Variants in MAP3K6 observed in about 807,000 individuals in gnomAD.
MAP3K6 encodes the protein apoptosis signal-regulating kinase 2.
A neutral mutation model predicts 147.1 loss-of-function variants in MAP3K6; 105 were observed. The observed-to-expected ratio is 0.71, with a 90% CI of 0.61 to 0.84. The LOEUF is 0.84. Among genes scored for constraint, MAP3K6 ranks in the 40% least tolerant of loss-of-function variants. MAP3K6 has a pLI of 0.00. For missense variants in MAP3K6, 1,569 were observed against 1,715.0 expected (o/e 0.91, Z 1.50); for synonymous variants, 695 against 732.4 (o/e 0.95, Z 0.82).
chr1:27,362,712 C>A lies in MAP3K6; in HGVS notation c.1184G>T (p.Gly395Val), dbSNP rs1051654906. 5.0e-6 allele frequency: 8 copies of A among 1,610,940 alleles called. No individual in the cohort carries two copies. The highest frequency in any genetic ancestry group is 5.9e-6 in the Non-Finnish European group (7 of 1,178,542). The change falls in exon 8 of 29, where the codon GGC becomes GTC. Residue 395 changes from glycine to valine, a missense_variant. Physicochemically the swap from Gly to Val is moderately radical, Grantham distance 109. Transcript: ENST00000357582. ...AATGAGGAGCACAGCTGCATTGATG[C>A]CTGAGTGAAGGCTGGGCTCTACGTC... ...AFDVEPSLHS[G>V]INAAVLLIAA... is the part of the protein sequence containing the mutation.
chr1:27,362,984 C>A lies in MAP3K6; in HGVS notation c.1009G>T (p.Val337Leu). ...RPGDRAKALS[V>L]LLPLVQLEGS... ...TCAAGCTGTACCAGCGGCAGCAGCA[C>A]AGACAGGGCCTTCGCCCGGTCCCCA... The change falls in exon 7 of 29, where the codon GTG becomes TTG. Residue 337 changes from valine (V) to leucine (L), a missense_variant. Physicochemically the swap from Val to Leu is conservative, Grantham distance 32 (BLOSUM62 1). Transcript: ENST00000357582. 6.2e-7 allele frequency: 1 copy of A among 1,614,008 alleles called. No individual in the cohort carries two copies. Among genetic ancestry groups the A allele is most frequent in the Middle Eastern group, 1.7e-4 (1 of 6,058 alleles).
chr1:27,365,631 T>A (rs1313496675), intron 1 of MAP3K6, among the ~76,000 whole-genome samples: 2 of 149,744 alleles, frequency 1.3e-5, no homozygotes, highest in African/African-American at 4.9e-5. Context: ...AGCCATCCTT[T>A]CCCGCCCACT....
Position 27,355,483 on chromosome 1 carries a change from A to G in MAP3K6, c.3789-14T>C, listed in dbSNP as rs1210491115. The G allele has an allele frequency of 6.2e-7, 1 of 1,613,548 alleles. No individual in the cohort carries two copies. Among genetic ancestry groups the G allele is most frequent in the Non-Finnish European group, 8.5e-7 (1 of 1,179,716 alleles). ...ACCATCCCTCCCCTGGGGGTAATGG[A>G]CTCAGTGTGGCTCAGCCAGAAGGTG... is the stretch of plus-strand genomic sequence containing the variant. On this transcript the variant is annotated splice_polypyrimidine_tract_variant and intron_variant, in intron 28 of 28. Transcript: ENST00000357582.
chr1:27,356,123 G>A (rs1451845448), intron 26 of MAP3K6, 24 bp from the exon 27 acceptor site: 4 of 1,604,826 alleles, frequency 2.5e-6, no homozygotes, highest in African/African-American at 1.3e-5. Flanking sequence ...GTCAGGTGAT[G>A]AGCCCAAGAG....
intron 22 of MAP3K6, 50 bp downstream of exon 22, chr1:27,357,661 G>T (rs749135909): frequency 6.3e-6 from 10 of 1,594,816 alleles, no homozygotes; most frequent in East Asian, 2.2e-5. Flanking sequence ...ACATCAACAG[G>T]TGTCCTGACC....
In MAP3K6 at chr1:27,360,999, G is replaced by A. The variant is rs1191861609; in HGVS notation, c.1842C>T (p.Gly614=). 1 of 1,595,822 alleles carries A rather than the reference G, an allele frequency of 6.3e-7. No homozygotes were observed. The highest frequency in any genetic ancestry group is 8.5e-7 in the Non-Finnish European group (1 of 1,170,588). Residue 614 remains glycine, a synonymous_variant, in exon 14 of 29, where the codon GGC becomes GGT. Transcript: ENST00000357582. The surrounding 1 kb of genome is among the most constrained non-coding windows in gnomAD (Gnocchi z 4.5). ...PSVGHCQWFC[G]LIQAWVTNPD... ...GGTTCGTCACCCAGGCCTGGATCAG[G>A]CCGCAGAACCTGAAGGTGGGGGAGG... is the stretch of plus-strand genomic sequence containing the variant.
At position 27,357,124 on chromosome 1, in the gene MAP3K6, G is replaced by A. The variant is rs111568119; in HGVS notation, c.3259-10C>T. On this transcript the variant is annotated splice_polypyrimidine_tract_variant and intron_variant, in intron 23 of 28. Transcript: ENST00000357582. ...GGAGGATCTGCTTCACCTGCAGGGG[G>A]AGGGAGGCGCCGCTGAGACAGCTGA... 0.041 allele frequency: 65,718 copies of A among 1,609,930 alleles called. 3,276 individuals carry two copies. Among genetic ancestry groups the A allele is most frequent in the African/African-American group, 0.25 (18,534 of 74,892 alleles).
In MAP3K6 at chr1:27,360,875, C is replaced by G. The variant is rs35733093; in HGVS notation, c.1921-37G>C. The G allele has an allele frequency of 0.35, 569,625 of 1,609,974 alleles. 105,139 individuals are homozygous for G. Among genetic ancestry groups the G allele is most frequent in the East Asian group, 0.51 (22,683 of 44,730 alleles). ...GGGGTGAGATGGGAGTTCAGCAGGGCCCGCGGCCCCTCGCCCTCCGCGAGC... is the reference window on the plus strand; with the variant it reads ...GGGGTGAGATGGGAGTTCAGCAGGGGCCGCGGCCCCTCGCCCTCCGCGAGC... On this transcript the variant is annotated intron_variant, in intron 14 of 28. Transcript: ENST00000357582. The surrounding 1 kb of genome is among the most constrained non-coding windows in gnomAD (Gnocchi z 4.5).
Position 27,364,875 on chromosome 1 carries a change from C to T in MAP3K6, c.378G>A (p.Gln126=), listed in dbSNP as rs997478348. The stretch of plus-strand genomic sequence containing the variant: ...CACCAAGGTGGTAGAACAGGGAGGG[C>T]TGTACCAGCGAGCTGCTCACCTCCA... ...VVLEVSSSLV[Q]PSLFYHLGVR... The change falls in exon 2 of 29, where the codon CAG becomes CAA. Residue 126 remains glutamine, a synonymous_variant. Coordinates refer to ENST00000357582, the MANE Select transcript of MAP3K6 (RefSeq NM_004672.5). The surrounding 1 kb of genome is among the most constrained non-coding windows in gnomAD (Gnocchi z 4.4). The T allele has an allele frequency of 3.1e-6, 5 of 1,607,384 alleles. No individual in the cohort carries two copies. The highest frequency in any genetic ancestry group is 1.7e-4 in the Middle Eastern group (1 of 6,052).
In MAP3K6 at chr1:27,357,261, G is replaced by A. The variant is rs981472029; in HGVS notation, c.3258+139C>T. 4.5e-6 allele frequency: 6 copies of A among 1,322,112 alleles called. No individual in the cohort carries two copies. The Admixed American group carries it at 8.5e-5, about 19-fold the overall frequency. 81.9% of individuals were successfully genotyped at this position (1,322,112 alleles called of 1,614,324 possible). A position where few individuals can be genotyped will look rare whatever the true frequency, so the allele number is the denominator to read the frequency against. Reference sequence around the variant, plus strand: ...GGAAGGCCTGGGAAGCTAGGACTGGGCAGACGGTTTTTTGCTGCAGGCCTG... The same window carrying A: ...GGAAGGCCTGGGAAGCTAGGACTGGACAGACGGTTTTTTGCTGCAGGCCTG... On this transcript the variant is annotated intron_variant, in intron 23 of 28. Transcript: ENST00000357582.
Position 27,361,872 on chromosome 1 carries a change from A to G in MAP3K6, c.1416-5T>C. Reference sequence around the variant, plus strand: ...TCCATCACGGACACCAGGTACCTGCATGCAAAGCCACATCCTCAGTTCAGC... The same window carrying G: ...TCCATCACGGACACCAGGTACCTGCGTGCAAAGCCACATCCTCAGTTCAGC... On this transcript the variant is annotated splice_region_variant and splice_polypyrimidine_tract_variant and intron_variant, in intron 9 of 28. Transcript: ENST00000357582. 2 of 1,535,952 alleles carry G rather than the reference A, an allele frequency of 1.3e-6. No individual in the cohort carries two copies. Among genetic ancestry groups the G allele is most frequent in the Non-Finnish European group, 1.8e-6 (2 of 1,138,634 alleles).
rs1225117501 is a variant in MAP3K6 at position 27,358,383 on chromosome 1, G to A, written c.2776+36C>T. Reference sequence around the variant, plus strand: ...ACCCTCACAGCTCCACAACTCCTCTGCCCTCCACTGTGCCCATCCCGCCAC... The same window carrying A: ...ACCCTCACAGCTCCACAACTCCTCTACCCTCCACTGTGCCCATCCCGCCAC... On this transcript the variant is annotated intron_variant, in intron 20 of 28. Transcript: ENST00000357582. This position sits in a 1 kb window ranked among gnomAD's most constrained non-coding sequence, Gnocchi z 6.2. 6.3e-7 allele frequency: 1 copy of A among 1,587,174 alleles called. No individual in the cohort carries two copies. The highest frequency in any genetic ancestry group is 8.5e-7 in the Non-Finnish European group (1 of 1,172,202).
intron 1 of MAP3K6, among the ~76,000 whole-genome samples, chr1:27,365,927 C>T (rs978581907): frequency 6.6e-6 from 1 of 151,162 alleles, no homozygotes; most frequent in East Asian, 2.0e-4. Context: ...AGCCCCGCGC[C>T]GCTCCCCGCC....
chr1:27,361,792 T>C lies in MAP3K6; in HGVS notation c.1491A>G (p.Pro497=). 1.2e-6 allele frequency: 2 copies of C among 1,611,330 alleles called. No individual in the cohort carries two copies. Among genetic ancestry groups the C allele is most frequent in the Non-Finnish European group, 1.7e-6 (2 of 1,178,676 alleles). ...FRPTPEPPGG[P]PRRAHFWLHF... Reference sequence around the variant, plus strand: ...GGAGCCAGAAGTGGGCACGGCGTGGTGGCCCTCCAGGGGGCTCTGGCGTGG... The same window carrying C: ...GGAGCCAGAAGTGGGCACGGCGTGGCGGCCCTCCAGGGGGCTCTGGCGTGG... The change falls in exon 10 of 29, where the codon CCA becomes CCG. Residue 497 remains proline (P), a synonymous_variant. Coordinates refer to ENST00000357582, the MANE Select transcript of MAP3K6 (RefSeq NM_004672.5).
At position 27,357,873 on chromosome 1, in the gene MAP3K6, C is replaced by T. The variant is rs771469062; in HGVS notation, c.2919G>A (p.Val973=). 1.3e-6 allele frequency: 2 copies of T among 1,588,460 alleles called. No individual in the cohort carries two copies. Among genetic ancestry groups the T allele is most frequent in the Admixed American group, 1.7e-5 (1 of 57,312 alleles). ...LSYGGTSQLR[V]PEEPAAEEPA... is the part of the protein sequence containing the mutation. ...GCTCCTCGGCCGCAGGCTCCTCGGG[C>T]ACCCTGGGCACAAGGGCGAGCTGCT... The change falls in exon 22 of 29, where the codon GTG becomes GTA. Residue 973 remains valine, a synonymous_variant. Coordinates refer to ENST00000357582, the MANE Select transcript of MAP3K6 (RefSeq NM_004672.5).
rs1449645356 is a variant in MAP3K6 at position 27,356,603 on chromosome 1, C to T, written c.3511G>A (p.Ala1171Thr). The change falls in exon 25 of 29, where the codon GCA becomes ACA. Residue 1171 changes from alanine to threonine, a missense_variant. Ala to Thr is a moderately conservative substitution (Grantham distance 58). Transcript: ENST00000357582. Reference sequence around the variant, plus strand: ...AAGGGGCTTTACCGATCAGTCTCTGCCCTCAAGAGGCTCAGCTGCACCATC... The same window carrying T: ...AAGGGGCTTTACCGATCAGTCTCTGTCCTCAAGAGGCTCAGCTGCACCATC... ...PLMVQLSLLRAETDRLREILA... is the reference protein window; with the variant it reads ...PLMVQLSLLRTETDRLREILA... The T allele has an allele frequency of 6.2e-7, 1 of 1,612,512 alleles. No homozygotes were observed. Among genetic ancestry groups the T allele is most frequent in the Non-Finnish European group, 8.5e-7 (1 of 1,179,206 alleles).
At chr1:27,356,323 G>A in intron 26 of MAP3K6, 65 bp downstream of exon 26, 1 of 1,442,934 alleles carries the variant, frequency 6.9e-7, no homozygotes, top group South Asian at 1.3e-5. Flanking sequence ...ATGAGCCCAA[G>A]GGTGCCTTGT....
At position 27,362,248 on chromosome 1, in the gene MAP3K6, T is replaced by C; in HGVS notation, c.1258A>G (p.Met420Val). Residue 420 changes from methionine (M) to valine (V), a missense_variant and splice_region_variant, in exon 9 of 29, where the codon ATG becomes GTG. By Grantham distance (21) the Met-to-Val change is conservative (BLOSUM62 1). Coordinates refer to ENST00000357582, the MANE Select transcript of MAP3K6 (RefSeq NM_004672.5). ...CGGGCCAGCAGGCAGCCCAGCTTCA[T>C]GCCTGGGGGAGAGAGGCATGGGCTC... ...EDSKELRLIG[M>V]KLGCLLARKG... is the part of the protein sequence containing the mutation. 1 of 1,609,558 alleles carries C rather than the reference T, an allele frequency of 6.2e-7. No homozygotes were observed. Among genetic ancestry groups the C allele is most frequent in the South Asian group, 1.1e-5 (1 of 90,512 alleles).
intron 1 of MAP3K6, among the ~76,000 whole-genome samples, chr1:27,365,143 T>A (rs568390038): frequency 2.7e-4 from 41 of 152,224 alleles, no homozygotes; most frequent in African/African-American, 9.6e-4. Context: ...CAGGCCACGG[T>A]TCAGAGCCTG....
Sources: allele counts gnomAD v4.1 joint callset (sites outside exome capture counted in the v4.1 genomes callset), GRCh38; gene constraint gnomAD v4.1.1; non-coding constraint Gnocchi (gnomAD v3.1); transcripts MANE v1.5; gene names NCBI Gene and HGNC (gene_info 2026-07-23, HGNC 2026-07-21).